ERC2: variants seen among roughly 807,000 people sequenced by gnomAD.
ERC2 encodes ELKS/RAB6-interacting/CAST family member 2, also known as ERC protein 2.
In ERC2, 42 loss-of-function variants were observed where a neutral mutation model predicts 114.8. The ratio of observed to expected loss-of-function variants is 0.37; its 90% confidence interval spans 0.29 to 0.47. The LOEUF (loss-of-function observed/expected upper bound fraction) is 0.47, where lower values mean the gene tolerates loss of function less well. ERC2 is among the 20% of genes least tolerant of loss of function. The probability of loss-of-function intolerance (pLI) is 0.99; values close to 1 mark genes in which losing one functional copy is unlikely to be tolerated. For missense variants in ERC2, 939 were observed against 1,150.7 expected (o/e 0.82, Z 2.66); for synonymous variants, 454 against 425.5 (o/e 1.07, Z -0.82).
In ERC2 at chr3:55,670,538, G is replaced by T. The variant is rs556126490; in HGVS notation, c.*39+13256C>A. On this transcript the variant is annotated intron_variant, in intron 17 of 17. Coordinates refer to ENST00000288221, the MANE Select transcript of ERC2 (RefSeq NM_015576.3). ...TGTGAGTCAGTGCAGACAAGCAACC[G>T]CCCTGCAGCTCTGGAGTCAGACATA... 7.9e-4 allele frequency among the ~76,000 whole-genome samples: 121 copies of T among 152,324 alleles called. No homozygotes were observed. In the Middle Eastern group the frequency reaches 0.01, roughly 13 times the overall value.
At chr3:56,108,026 T>C (rs1216643363) in intron 6 of ERC2, among the ~76,000 whole-genome samples, 2 of 152,176 alleles carry the variant, frequency 1.3e-5, no homozygotes, top group African/African-American at 4.8e-5. Context: ...AACTAGCATA[T>C]GGAATTTAAA....
chr3:55,563,323 C>T (rs908303271), intron 17 of ERC2, among the ~76,000 whole-genome samples: 6 of 146,566 alleles, frequency 4.1e-5, no homozygotes, highest in African/African-American at 1.5e-4. Flanking sequence ...TCCTGAGTGT[C>T]TTTCCTTTTT....
intron 2 of ERC2, among the ~76,000 whole-genome samples, chr3:56,402,124 C>A (rs766270163): frequency 3.9e-5 from 6 of 152,110 alleles, no homozygotes; most frequent in Non-Finnish European, 5.9e-5. Context: ...CTGGACCAGC[C>A]CTTGATACGT....
chr3:56,014,020 A>G (rs2149579454), intron 8 of ERC2, among the ~76,000 whole-genome samples: 1 of 152,282 alleles, frequency 6.6e-6, no homozygotes, highest in East Asian at 1.9e-4. Context: ...CAAATACATT[A>G]GGCATTCTGA....
At chr3:55,955,163 T>C in intron 12 of ERC2, 1 of 516,616 alleles carries the variant, frequency 1.9e-6, no homozygotes, top group Non-Finnish European at 3.9e-6. Context: ...TCCACACCAG[T>C]CTATAAAAAC....
chr3:55,660,618 G>A (rs2061086790), intron 17 of ERC2, among the ~76,000 whole-genome samples: 1 of 152,180 alleles, frequency 6.6e-6, no homozygotes, highest in South Asian at 2.1e-4. Flanking sequence ...TCTTAGTTGT[G>A]AGTGTTTAGC....
intron 13 of ERC2, among the ~76,000 whole-genome samples, chr3:55,937,198 A>T (rs551501475): frequency 1.8e-4 from 27 of 152,268 alleles, no homozygotes; most frequent in African/African-American, 6.5e-4. Context: ...AAAATTAGCC[A>T]GTTAGTAGAT....
chr3:55,700,847 C>T (rs1046830399), intron 15 of ERC2, among the ~76,000 whole-genome samples: 4 of 152,108 alleles, frequency 2.6e-5, no homozygotes, highest in African/African-American at 4.8e-5. Context: ...CCTAGAATCT[C>T]GCATAGGGCC....
intron 14 of ERC2, among the ~76,000 whole-genome samples, chr3:55,788,645 G>A (rs905738115): frequency 6.6e-5 from 10 of 152,096 alleles, no homozygotes; most frequent in African/African-American, 1.9e-4. Flanking sequence ...GTCAGCTGAC[G>A]GTCTTTGAAC....
chr3:55,900,552 C>T (rs769447177), intron 13 of ERC2, among the ~76,000 whole-genome samples: 1 of 152,164 alleles, frequency 6.6e-6, no homozygotes, highest in Admixed American at 6.5e-5. Context: ...ACTGACTTGG[C>T]TCTGGAAGAG....
At chr3:55,984,478 G>T (rs2149511334) in intron 12 of ERC2, among the ~76,000 whole-genome samples, 1 of 152,212 alleles carries the variant, frequency 6.6e-6, no homozygotes, top group Middle Eastern at 3.4e-3. Context: ...GGCAAAAGGA[G>T]GGGGATACAG....
At chr3:56,014,168 C>A (rs986538960) in intron 8 of ERC2, among the ~76,000 whole-genome samples, 2 of 152,088 alleles carry the variant, frequency 1.3e-5, no homozygotes, top group African/African-American at 4.8e-5. Context: ...GTACATAGAG[C>A]TCTTTTGTTT....
At chr3:56,295,138 A>G (rs1397685520) in intron 3 of ERC2, among the ~76,000 whole-genome samples, 8 of 152,210 alleles carry the variant, frequency 5.3e-5, no homozygotes, top group Non-Finnish European at 1.0e-4. Flanking sequence ...TTTGGTCTAG[A>G]AGGAAATATC....
intron 14 of ERC2, among the ~76,000 whole-genome samples, chr3:55,871,228 T>A (rs935392373): frequency 3.3e-5 from 5 of 152,160 alleles, no homozygotes; most frequent in African/African-American, 1.2e-4. Flanking sequence ...TCTAGTACAG[T>A]GGGAGGTCCT....
intron 2 of ERC2, among the ~76,000 whole-genome samples, chr3:56,344,988 G>A (rs1159161464): frequency 6.6e-6 from 1 of 152,166 alleles, no homozygotes; most frequent in Non-Finnish European, 1.5e-5. Flanking sequence ...ACCAAGCTTG[G>A]GGAATACCCA....
At chr3:56,153,874 T>A (rs1322189115) in intron 4 of ERC2, among the ~76,000 whole-genome samples, 1 of 152,138 alleles carries the variant, frequency 6.6e-6, no homozygotes, top group Non-Finnish European at 1.5e-5. Context: ...ACATAAGCAG[T>A]TTTTACAGAG....
intron 10 of ERC2, among the ~76,000 whole-genome samples, chr3:55,993,210 C>T (rs993197010): frequency 6.6e-6 from 1 of 152,122 alleles, no homozygotes; most frequent in African/African-American, 2.4e-5. Flanking sequence ...GTAGTTTATA[C>T]AACAGTGCAC....
At chr3:55,726,037 T>C (rs13071454) in intron 15 of ERC2, among the ~76,000 whole-genome samples, 4 of 152,226 alleles carry the variant, frequency 2.6e-5, no homozygotes, top group African/African-American at 4.8e-5. Flanking sequence ...CTGCCAGATC[T>C]GAGTATTTCT....
intron 6 of ERC2, among the ~76,000 whole-genome samples, chr3:56,099,848 T>A (rs983277250): frequency 6.6e-6 from 1 of 152,202 alleles, no homozygotes; most frequent in Non-Finnish European, 1.5e-5. Flanking sequence ...GACTTTCTAC[T>A]CCTGACCTTG....
Sources: allele counts gnomAD v4.1 joint callset (sites outside exome capture counted in the v4.1 genomes callset), GRCh38; gene constraint gnomAD v4.1.1; transcripts MANE v1.5; gene names NCBI Gene and HGNC (gene_info 2026-07-23, HGNC 2026-07-21).